The following KIF4A variants were observed in gnomAD, a reference collection of about 807,000 sequenced individuals.
KIF4A encodes the protein kinesin family member 4A, also known as chromosome-associated kinesin KIF4A.
In KIF4A, 7 loss-of-function variants were observed where a neutral mutation model predicts 105.9. The observed-to-expected ratio is 0.07, with a 90% confidence interval of 0.04 to 0.12. The LOEUF is 0.12. Ranked by LOEUF, KIF4A falls within the 10% of genes least tolerant of loss-of-function variation. The probability of loss-of-function intolerance (pLI) is 1.00; values close to 1 mark genes in which losing one functional copy is unlikely to be tolerated. For synonymous variants in KIF4A, 281 were observed against 331.3 expected (o/e 0.85, Z 1.65); for missense variants, 558 against 929.2 (o/e 0.60, Z 5.19).
At position 70,395,298 on chromosome X, in the gene KIF4A, C is replaced by T. The variant is rs779346466; in HGVS notation, c.2233-373C>T. On this transcript the variant is annotated intron_variant, in intron 20 of 30. Transcript: ENST00000374403. ...GAATTTTGTTTCCTTTTTTAAAAAT[C>T]CCGTTCATCTACTTTAAAAATTAAA... 2.2e-4 allele frequency among the ~76,000 whole-genome samples: 25 copies of T among 111,637 alleles called. No homozygotes were observed. The Middle Eastern group carries it at 0.019, about 83-fold the overall frequency.
At chrX:70,418,885 C>G (rs745603632) in intron 29 of KIF4A, among the ~76,000 whole-genome samples, 46 of 110,991 alleles carry the variant, frequency 4.1e-4, no homozygotes, top group African/African-American at 1.5e-3. Context: ...GAGATCAAGA[C>G]CATCCCGGCT....
In KIF4A at chrX:70,290,568, G is replaced by A; in HGVS notation, c.110G>A (p.Gly37Glu). 8 of 1,211,590 alleles carry A rather than the reference G, an allele frequency of 6.6e-6. No homozygotes were observed. Among genetic ancestry groups the A allele is most frequent in the Non-Finnish European group, 8.9e-6 (8 of 895,401 alleles). Residue 37 changes from glycine to glutamate, a missense_variant, in exon 2 of 31, where the codon GGA (glycine) becomes GAA (glutamate). Gly to Glu is a moderately conservative substitution (Grantham distance 98). Transcript: ENST00000374403. ...CAGATGTGCCTTTCCTTCGTGCCCG[G>A]AGAGCCTCAGGTGCGTAGCAGAGTC... ...GCQMCLSFVP[G>E]EPQVVVGTDK... is the part of the protein sequence containing the mutation.
At chrX:70,385,046 AC>A (rs1317618103) in intron 18 of KIF4A, among the ~76,000 whole-genome samples, 1 of 110,574 alleles carries the variant, frequency 9.0e-6, no homozygotes, top group Non-Finnish European at 1.9e-5. Context: ...CAGATGATCC[AC>A]CCACCCCAGC....
At chrX:70,374,926 A>G (rs1443971219) in intron 16 of KIF4A, among the ~76,000 whole-genome samples, 2 of 112,273 alleles carry the variant, frequency 1.8e-5, no homozygotes, top group African/African-American at 6.5e-5. Context: ...GCTAAAGTGA[A>G]GTGAAATGCC....
At chrX:70,321,094 A>G (rs1306875785) in intron 7 of KIF4A, among the ~76,000 whole-genome samples, 1 of 111,545 alleles carries the variant, frequency 9.0e-6, no homozygotes, top group East Asian at 2.8e-4. Context: ...ACATAGCCAA[A>G]TCTTCCAGAC....
intron 7 of KIF4A, among the ~76,000 whole-genome samples, chrX:70,309,909 G>A (rs1402177142): frequency 7.2e-5 from 8 of 111,744 alleles, no homozygotes; most frequent in African/African-American, 2.6e-4. Flanking sequence ...CAAGCGTGGT[G>A]GCGCACGCCT....
At chrX:70,415,208 A>G (rs969805903) in intron 28 of KIF4A, 2 of 180,183 alleles carry the variant, frequency 1.1e-5, no homozygotes, top group African/African-American at 3.2e-5. Context: ...GCAACTTCAT[A>G]GAGTGAAAAT....
chrX:70,322,094 C>G (rs375198463), intron 7 of KIF4A, among the ~76,000 whole-genome samples: 16 of 109,947 alleles, frequency 1.5e-4, no homozygotes, highest in South Asian at 4.0e-4. Flanking sequence ...CCCTCCCCCC[C>G]CAAAGTGGTT....
intron 18 of KIF4A, among the ~76,000 whole-genome samples, chrX:70,376,729 A>G (rs1045961094): frequency 8.9e-6 from 1 of 112,324 alleles, no homozygotes; most frequent in Non-Finnish European, 1.9e-5. Flanking sequence ...GTAGTGGACC[A>G]TTCCATTGGA....
At chrX:70,407,185 G>A in intron 28 of KIF4A, 110 bp downstream of exon 28, 1 of 826,826 alleles carries the variant, frequency 1.2e-6, no homozygotes, top group Non-Finnish European at 1.7e-6. Flanking sequence ...TCGGCTCACT[G>A]CAACCTCTGC....
At chrX:70,351,678 A>G (rs936082201) in intron 13 of KIF4A, among the ~76,000 whole-genome samples, 1 of 112,466 alleles carries the variant, frequency 8.9e-6, no homozygotes, top group Non-Finnish European at 1.9e-5. Context: ...TCTGACTTCA[A>G]GAGCACACTT....
At chrX:70,365,145 G>A (rs1339656659) in intron 15 of KIF4A, among the ~76,000 whole-genome samples, 4 of 111,884 alleles carry the variant, frequency 3.6e-5, no homozygotes, top group Non-Finnish European at 5.6e-5. Flanking sequence ...ATTATGTGCT[G>A]AGACGATGGA....
At chrX:70,324,922 C>T (rs970539085) in intron 7 of KIF4A, among the ~76,000 whole-genome samples, 3 of 111,493 alleles carry the variant, frequency 2.7e-5, no homozygotes, top group East Asian at 5.6e-4. Flanking sequence ...ACTGGAACTG[C>T]GAGTGTATGC....
intron 7 of KIF4A, among the ~76,000 whole-genome samples, chrX:70,312,070 TTTTA>T (rs2085852372): frequency 9.1e-6 from 1 of 109,962 alleles, no homozygotes. Flanking sequence ...GTCTTATAGA[TTTTA>T]TTTATTTGGA....
chrX:70,310,000 G>T (rs138051415), intron 7 of KIF4A, among the ~76,000 whole-genome samples: 1 of 112,229 alleles, frequency 8.9e-6, no homozygotes, highest in African/African-American at 3.2e-5. Flanking sequence ...CCAAGATCAC[G>T]CCACTGCACT....
chrX:70,388,276 A>G (rs1025371466), intron 20 of KIF4A, among the ~76,000 whole-genome samples: 4 of 111,613 alleles, frequency 3.6e-5, no homozygotes, highest in Non-Finnish European at 7.5e-5. Context: ...TGGCTATACC[A>G]TAATTTGTTT....
At chrX:70,356,566 AAAAC>A (rs942783177) in intron 15 of KIF4A, among the ~76,000 whole-genome samples, 7 of 112,338 alleles carry the variant, frequency 6.2e-5, no homozygotes, top group African/African-American at 6.5e-5. Flanking sequence ...CTGTCTCAAA[AAAAC>A]AAACAAACAA....
At chrX:70,416,994 C>A (rs1341651988) in intron 28 of KIF4A, among the ~76,000 whole-genome samples, 1 of 112,858 alleles carries the variant, frequency 8.9e-6, no homozygotes, top group African/African-American at 3.2e-5. Context: ...TAACACTGGA[C>A]AAAATGCAGA....
At chrX:70,405,576 A>C (rs770806160) in intron 25 of KIF4A, among the ~76,000 whole-genome samples, 8 of 111,399 alleles carry the variant, frequency 7.2e-5, no homozygotes, top group African/African-American at 2.6e-4. Flanking sequence ...AGAATAAGGA[A>C]GGCTTGTCGG....
Sources: gnomAD v4.1 joint callset for allele counts (sites outside exome capture counted in the v4.1 genomes callset) on GRCh38, gnomAD v4.1.1 for gene constraint, MANE v1.5 for transcripts, NCBI Gene and HGNC (gene_info 2026-07-23, HGNC 2026-07-21) for gene names.